Variants in MCTP1 observed in about 807,000 individuals in gnomAD.
MCTP1 encodes the protein multiple C2 and transmembrane domain containing 1.
A neutral mutation model predicts 120.6 loss-of-function variants in MCTP1; 69 were observed. That is an observed-to-expected ratio of 0.57 (90% CI 0.47 to 0.70). The LOEUF is 0.70. Ranked by LOEUF, MCTP1 falls within the 30% of genes least tolerant of loss-of-function variation. The pLI is 0.00. For missense variants in MCTP1, 1,203 were observed against 1,248.8 expected, an observed-to-expected ratio of 0.96 and a Z score of 0.55; for synonymous variants, 529 against 493.1, an observed-to-expected ratio of 1.07 and a Z score of -0.96.
At chr5:94,815,799 C>G (rs1356145156) in intron 17 of MCTP1, among the ~76,000 whole-genome samples, 2 of 152,132 alleles carry the variant, frequency 1.3e-5, no homozygotes, top group Non-Finnish European at 2.9e-5. Flanking sequence ...TGGCTCAAGA[C>G]CGTCTGGGTC....
At chr5:95,178,967 A>T (rs901154474) in intron 1 of MCTP1, among the ~76,000 whole-genome samples, 10 of 152,208 alleles carry the variant, frequency 6.6e-5, no homozygotes, top group Non-Finnish European at 1.3e-4. Context: ...AGTGAAATAG[A>T]TAGCATAAAT....
chr5:94,973,135 G>C (rs1196335760), intron 2 of MCTP1, among the ~76,000 whole-genome samples: 1 of 152,146 alleles, frequency 6.6e-6, no homozygotes, highest in Non-Finnish European at 1.5e-5. Context: ...TTACAGATGA[G>C]TAAACTGGTT....
chr5:94,760,450 C>G (rs1771059547), intron 19 of MCTP1, among the ~76,000 whole-genome samples: 1 of 152,170 alleles, frequency 6.6e-6, no homozygotes, highest in Non-Finnish European at 1.5e-5. Flanking sequence ...CCTTCTATGT[C>G]TCTAAAATAT....
chr5:95,081,789 T>C, intron 1 of MCTP1: 1 of 1,095,956 alleles, frequency 9.1e-7, no homozygotes, highest in Non-Finnish European at 1.1e-6. Flanking sequence ...TCTGGGGTTC[T>C]AAAATACTCA....
chr5:94,965,842 C>T (rs185551842), intron 2 of MCTP1, among the ~76,000 whole-genome samples: 131 of 152,200 alleles, frequency 8.6e-4, no homozygotes, highest in African/African-American at 3.0e-3. Context: ...GGATGTTTTC[C>T]CCTTCTGTCT....
intron 2 of MCTP1, among the ~76,000 whole-genome samples, chr5:95,005,028 CA>C (rs1384662499): frequency 6.6e-6 from 1 of 152,210 alleles, no homozygotes; most frequent in African/African-American, 2.4e-5. Flanking sequence ...TGAAGAGCCA[CA>C]GGGGCAGAGC....
At chr5:94,840,254 AAAGAG>A (rs1790719147) in intron 17 of MCTP1, among the ~76,000 whole-genome samples, 2 of 152,362 alleles carry the variant, frequency 1.3e-5, no homozygotes, top group African/African-American at 4.8e-5. Context: ...AAGAAACGGT[AAAGAG>A]AAGACCTTCT....
intron 17 of MCTP1, among the ~76,000 whole-genome samples, chr5:94,849,583 C>A (rs1581023321): frequency 6.6e-6 from 1 of 152,132 alleles, no homozygotes; most frequent in Non-Finnish European, 1.5e-5. Flanking sequence ...TAGAGCAGTG[C>A]CTGGCAGCTG....
At chr5:95,224,163 G>T (rs1753997979) in intron 1 of MCTP1, among the ~76,000 whole-genome samples, 1 of 152,166 alleles carries the variant, frequency 6.6e-6, no homozygotes, top group Non-Finnish European at 1.5e-5. Flanking sequence ...ATCACAGTGG[G>T]CCCTGGAATA....
At chr5:95,057,963 A>G (rs1236930380) in intron 1 of MCTP1, among the ~76,000 whole-genome samples, 1 of 152,220 alleles carries the variant, frequency 6.6e-6, no homozygotes, top group Non-Finnish European at 1.5e-5. Flanking sequence ...TTATAATAAA[A>G]GACTAACTTT....
intron 10 of MCTP1, among the ~76,000 whole-genome samples, chr5:94,904,678 C>T (rs1645730741): frequency 6.6e-6 from 1 of 152,218 alleles, no homozygotes; most frequent in African/African-American, 2.4e-5. Flanking sequence ...CACAGTTACA[C>T]TGAAACTTTC....
In MCTP1 at chr5:95,244,595, A is replaced by T. The variant is rs556124785; in HGVS notation, c.720+39261T>A. Among the ~76,000 whole-genome samples, 26 of 152,302 alleles carry T rather than the reference A, an allele frequency of 1.7e-4. No homozygotes were observed. The South Asian group carries it at 3.1e-3, about 18-fold the overall frequency. On this transcript the variant is annotated intron_variant, in intron 1 of 22. Transcript: ENST00000515393. ...CTCACTGCTAGCGCAACAGTCTGCG[A>T]TCAATCTGTGACACTGCAGCTTGAC...
At chr5:95,201,910 G>A (rs1379721546) in intron 1 of MCTP1, among the ~76,000 whole-genome samples, 1 of 152,128 alleles carries the variant, frequency 6.6e-6, no homozygotes, top group African/African-American at 2.4e-5. Context: ...AAAAGGTATT[G>A]CTACTCTGTG....
At chr5:95,075,936 CTCTG>C (rs1582173318) in intron 1 of MCTP1, among the ~76,000 whole-genome samples, 1 of 152,096 alleles carries the variant, frequency 6.6e-6, no homozygotes, top group Non-Finnish European at 1.5e-5. Context: ...CAGAGACTTC[CTCTG>C]TCTGGTGTAT....
At chr5:94,723,357 TCAAA>T (rs1580321008) in intron 19 of MCTP1, among the ~76,000 whole-genome samples, 1 of 152,222 alleles carries the variant, frequency 6.6e-6, no homozygotes, top group Admixed American at 6.5e-5. Flanking sequence ...AAAACAGTTC[TCAAA>T]CATTTTGGCT....
intron 19 of MCTP1, among the ~76,000 whole-genome samples, chr5:94,749,468 A>AAC (rs1767713991): frequency 6.6e-6 from 1 of 152,128 alleles, no homozygotes; most frequent in Admixed American, 6.6e-5. Flanking sequence ...CAGCCTGGCC[A>AAC]ACATGGCGAA....
At chr5:94,932,597 G>T (rs149561606) in intron 5 of MCTP1, among the ~76,000 whole-genome samples, 1 of 151,962 alleles carries the variant, frequency 6.6e-6, no homozygotes, top group East Asian at 1.9e-4. Flanking sequence ...TTTTAATTAA[G>T]GTTCTAGAGC....
chr5:95,228,853 C>G (rs186934853), intron 1 of MCTP1, among the ~76,000 whole-genome samples: 1 of 152,286 alleles, frequency 6.6e-6, no homozygotes, highest in East Asian at 1.9e-4. Context: ...GCTCCCTCTT[C>G]GCCTTCTGCT....
intron 1 of MCTP1, among the ~76,000 whole-genome samples, chr5:95,180,994 A>G (rs1172324202): frequency 6.6e-6 from 1 of 152,104 alleles, no homozygotes; most frequent in East Asian, 1.9e-4. Flanking sequence ...CTTAAACCCT[A>G]TTGCTAAAAC....
Sources: gnomAD v4.1 joint callset for allele counts (sites outside exome capture counted in the v4.1 genomes callset) on GRCh38, gnomAD v4.1.1 for gene constraint, MANE v1.5 for transcripts, NCBI Gene and HGNC (gene_info 2026-07-23, HGNC 2026-07-21) for gene names.